The following TOX2 variants were observed in gnomAD, a reference collection of about 807,000 sequenced individuals.
TOX2 encodes the protein granulosa cell HMG box 1.
In TOX2, 15 loss-of-function variants were observed where a neutral mutation model predicts 47.4. That is an observed-to-expected ratio of 0.32 (90% CI 0.21 to 0.49). The LOEUF (loss-of-function observed/expected upper bound fraction) is 0.49, where lower values mean the gene tolerates loss of function less well. Ranked by LOEUF, TOX2 falls within the 20% of genes least tolerant of loss-of-function variation. The pLI, the probability that TOX2 is intolerant of heterozygous loss-of-function variation, is 0.99. For missense variants in TOX2, 622 were observed against 673.1 expected (o/e 0.92, Z 0.84); for synonymous variants, 290 against 296.6 (o/e 0.98, Z 0.23).
chr20:43,925,261 C>A (rs75618361), intron 1 of TOX2, among the ~76,000 whole-genome samples: 1 of 151,610 alleles, frequency 6.6e-6, no homozygotes, highest in Non-Finnish European at 1.5e-5. Flanking sequence ...GGGAGGGGGG[C>A]ATCTAGATCT....
intron 1 of TOX2, among the ~76,000 whole-genome samples, chr20:43,928,892 T>C (rs1353360256): frequency 1.3e-5 from 2 of 148,692 alleles, no homozygotes; most frequent in Non-Finnish European, 3.0e-5. Flanking sequence ...CCCAGCACTT[T>C]GGGAGGCAGA....
intron 1 of TOX2, among the ~76,000 whole-genome samples, chr20:43,968,074 A>T (rs1178388004): frequency 6.6e-6 from 1 of 152,116 alleles, no homozygotes; most frequent in Non-Finnish European, 1.5e-5. Flanking sequence ...TCCCTCACCC[A>T]TCTATTCATT....
chr20:43,971,702 C>T (rs1388289327), intron 1 of TOX2, among the ~76,000 whole-genome samples: 1 of 152,170 alleles, frequency 6.6e-6, no homozygotes, highest in Admixed American at 6.5e-5. Context: ...TGCAACTACC[C>T]ATGTGCTCAG....
At chr20:43,974,553 G>A (rs994070214) in intron 2 of TOX2, among the ~76,000 whole-genome samples, 4 of 152,244 alleles carry the variant, frequency 2.6e-5, no homozygotes, top group African/African-American at 9.6e-5. Flanking sequence ...CCCCGGCCCT[G>A]GAGCTGACCT....
At chr20:43,923,637 G>C (rs1376827983) in intron 1 of TOX2, among the ~76,000 whole-genome samples, 1 of 152,200 alleles carries the variant, frequency 6.6e-6, no homozygotes, top group African/African-American at 2.4e-5. Context: ...CTGGGGCATG[G>C]AGCCCCGGTG....
intron 2 of TOX2, among the ~76,000 whole-genome samples, chr20:44,002,512 C>T (rs1164145615): frequency 6.6e-6 from 1 of 152,214 alleles, no homozygotes; most frequent in East Asian, 1.9e-4. Context: ...TAGATACATA[C>T]TGTCATTACC....
intron 2 of TOX2, among the ~76,000 whole-genome samples, chr20:43,981,935 C>CTTTT (rs71337843): frequency 7.3e-6 from 1 of 137,754 alleles, no homozygotes; most frequent in Non-Finnish European, 1.6e-5. Flanking sequence ...AAGGGATTTT[C>CTTTT]TTTTTTTTTT....
chr20:44,046,663 A>G (rs2145735506), intron 3 of TOX2, among the ~76,000 whole-genome samples: 1 of 152,372 alleles, frequency 6.6e-6, no homozygotes, highest in Admixed American at 6.5e-5. Context: ...ATGAACCTTG[A>G]GTACCTTAAG....
At chr20:44,021,278 A>G (rs968743112) in intron 3 of TOX2, among the ~76,000 whole-genome samples, 2 of 152,140 alleles carry the variant, frequency 1.3e-5, no homozygotes, top group Non-Finnish European at 2.9e-5. Context: ...AGGAGGACAG[A>G]GTGTGAGCAG....
chr20:44,066,957 G>T, intron 8 of TOX2, 100 bp downstream of exon 8: 1 of 1,502,328 alleles, frequency 6.7e-7, no homozygotes, highest in South Asian at 1.3e-5. Flanking sequence ...GTGGACAGGG[G>T]AGGACCCTGC....
Position 44,065,907 on chromosome 20 carries a change from C to A in TOX2, c.1156C>A (p.Leu386Ile). The A allele has an allele frequency of 6.2e-7, 1 of 1,611,434 alleles. No homozygotes were observed. The highest frequency in any genetic ancestry group is 1.1e-5 in the South Asian group (1 of 90,894). ...GGGCTCCAAGTCTCTGCTGCCAGGC[C>A]TCAGTGCGTCCCCGCCGCCGCCACC... Reference protein sequence around the residue: ...TLGSKSLLPGLSASPPPPPSF... With the variant: ...TLGSKSLLPGISASPPPPPSF... Residue 386 changes from leucine (L) to isoleucine (I), a missense_variant, in exon 7 of 9, where the codon CTC (leucine) becomes ATC (isoleucine). Leu to Ile is a conservative substitution (Grantham distance 5, BLOSUM62 2). Around this residue, in one of 3 missense-constraint regions of TOX2, gnomAD observed 294 missense variants for 300.0 expected, o/e 0.98. Coordinates refer to ENST00000341197, the MANE Select transcript of TOX2 (RefSeq NM_001098797.2).
At chr20:43,947,031 C>G (rs2069485649) in intron 1 of TOX2, among the ~76,000 whole-genome samples, 2 of 152,334 alleles carry the variant, frequency 1.3e-5, no homozygotes, top group Non-Finnish European at 2.9e-5. Context: ...AGCTTCTGTG[C>G]CTCCTGGGAT....
intron 2 of TOX2, among the ~76,000 whole-genome samples, chr20:43,997,224 G>A (rs2145571587): frequency 6.6e-6 from 1 of 152,266 alleles, no homozygotes; most frequent in African/African-American, 2.4e-5. Context: ...AAAGTAGAAA[G>A]CCATCACTAA....
intron 2 of TOX2, among the ~76,000 whole-genome samples, chr20:43,975,559 C>A (rs1269511240): frequency 6.6e-6 from 1 of 152,142 alleles, no homozygotes; most frequent in Admixed American, 6.5e-5. Context: ...ACTCGGAGCT[C>A]CACAAGCCTC....
chr20:44,021,720 C>T (rs1239744305), intron 3 of TOX2, among the ~76,000 whole-genome samples: 1 of 152,122 alleles, frequency 6.6e-6, no homozygotes, highest in Non-Finnish European at 1.5e-5. Flanking sequence ...CCTCTACCTT[C>T]CTGATTCAAG....
At chr20:43,934,167 G>GAGAGAGAGAGAGAGAGAGA (rs1325521677) in intron 1 of TOX2, among the ~76,000 whole-genome samples, 37 of 149,878 alleles carry the variant, frequency 2.5e-4, no homozygotes, top group African/African-American at 8.7e-4. Context: ...GAGAGAGAGA[G>GAGAGAGAGAGAGAGAGAGA]ACCTGCCCTC....
intron 1 of TOX2, among the ~76,000 whole-genome samples, chr20:43,929,338 C>T (rs1400773310): frequency 2.0e-5 from 3 of 152,152 alleles, no homozygotes; most frequent in Non-Finnish European, 4.4e-5. Flanking sequence ...CTCCTTTGGC[C>T]CATAAGTCCT....
In TOX2 at chr20:43,934,456, G is replaced by A. The variant is rs546647018; in HGVS notation, c.99+19466G>A. Among the ~76,000 whole-genome samples the A allele has an allele frequency of 1.2e-4, 18 of 152,316 alleles. No homozygotes were observed. In the East Asian group the frequency reaches 3.5e-3, roughly 29 times the overall value. ...GGGCACTGGGCCGGGGTCACAGTGG[G>A]ATTGGAACCCAAGCCTGCTTGCCAG... On this transcript the variant is annotated intron_variant, in intron 1 of 8. Coordinates refer to ENST00000341197, the MANE Select transcript of TOX2 (RefSeq NM_001098797.2).
At chr20:44,051,660 C>T (rs575664155) in intron 4 of TOX2, 115 bp downstream of exon 4, 832 of 1,437,260 alleles carry the variant, frequency 5.8e-4, no homozygotes, top group Admixed American at 2.1e-3. Context: ...CCTGATGTCC[C>T]AAGGTCCCCG....
Sources: gnomAD v4.1 joint callset for allele counts (sites outside exome capture counted in the v4.1 genomes callset) on GRCh38, gnomAD v4.1.1 for gene constraint, gnomAD v4.1.1 regional missense constraint, MANE v1.5 for transcripts, NCBI Gene and HGNC (gene_info 2026-07-23, HGNC 2026-07-21) for gene names.